Variants in SLF2 observed in about 807,000 individuals in gnomAD.
SLF2 encodes the protein SMC5/6 complex localization factor 2, also known as SMC5-SMC6 complex localization factor protein 2.
In SLF2, 68 loss-of-function variants were observed where a neutral mutation model predicts 124.3. The observed-to-expected ratio is 0.55, with a 90% CI of 0.45 to 0.67. The LOEUF (loss-of-function observed/expected upper bound fraction) is 0.67. SLF2 is among the 30% of genes least tolerant of loss of function. SLF2 has a pLI of 0.00. For missense variants in SLF2, 1,246 were observed against 1,373.7 expected (o/e 0.91, Z 1.47); for synonymous variants, 480 against 478.8 (o/e 1.00, Z -0.03).
chr10:100,914,296 T>TTG (rs201890158), intron 1 of SLF2, among the ~76,000 whole-genome samples: 11 of 129,994 alleles, frequency 8.5e-5, no homozygotes, highest in East Asian at 3.9e-4. Flanking sequence ...ACTGTTATAA[T>TTG]TGTGTGTGTG....
chr10:100,913,391 C>G, intron 1 of SLF2, 141 bp downstream of exon 1: 2 of 1,362,158 alleles, frequency 1.5e-6, no homozygotes, highest in Non-Finnish European at 1.9e-6. Context: ...AAATCCCCGC[C>G]CCGCCTCCGC....
intron 15 of SLF2, 77 bp from the exon 16 acceptor site, chr10:100,949,999 A>C (rs1850179033): frequency 7.3e-7 from 1 of 1,366,760 alleles, no homozygotes; most frequent in Non-Finnish European, 9.8e-7. Context: ...GAAAGAGTAC[A>C]CACTGGAAAA....
chr10:100,915,430 C>G (rs1849395940), intron 1 of SLF2, among the ~76,000 whole-genome samples: 1 of 152,170 alleles, frequency 6.6e-6, no homozygotes, highest in African/African-American at 2.4e-5. Context: ...TTCCCTAGAT[C>G]AGCCAAATCA....
Position 100,960,998 on chromosome 10 carries a change from C to CTTTTTTTTTTTTTTT in SLF2, c.3487-864_3487-850dup, listed in dbSNP as rs59983480. ...GTGAGAACTGAGATATTCTGTACTT[C>CTTTTTTTTTTTTTTT]TTTTTTTTTTTTTTTTTTTTTTTTT... On this transcript the variant is annotated intron_variant, in intron 19 of 19. Coordinates refer to ENST00000238961, the MANE Select transcript of SLF2 (RefSeq NM_018121.4). 6.5e-5 allele frequency among the ~76,000 whole-genome samples: 4 copies of CTTTTTTTTTTTTTTT among 61,404 alleles called. 1 individual carries two copies. The highest frequency in any genetic ancestry group is 8.5e-5 in the Non-Finnish European group (3 of 35,360). The allele number at this position is 61,404 out of a possible 152,430, so 40.3% of individuals were successfully genotyped here. A position where few individuals can be genotyped will look rare whatever the true frequency, so the allele number is the denominator to read the frequency against.
intron 4 of SLF2, among the ~76,000 whole-genome samples, chr10:100,922,279 T>C (rs1372746642): frequency 6.6e-6 from 1 of 152,198 alleles, no homozygotes; most frequent in African/African-American, 2.4e-5. Flanking sequence ...TTTCACCATG[T>C]TGCCTAGGCT....
chr10:100,916,577 C>A lies in SLF2; in HGVS notation c.192C>A (p.His64Gln). 7.2e-7 allele frequency: 1 copy of A among 1,381,062 alleles called. No individual in the cohort carries two copies. Among genetic ancestry groups the A allele is most frequent in the South Asian group, 2.3e-5 (1 of 44,442 alleles). 85.6% of individuals were successfully genotyped at this position (1,381,062 alleles called of 1,614,324 possible). ...TTTTAATTGGCTATTTAGACAGACA[C>A]ATGTTGGATTCACCACAAAAATCAA... is the stretch of plus-strand genomic sequence containing the variant. ...FFKPASKQDRHMLDSPQKSNI... is the reference protein window; with the variant it reads ...FFKPASKQDRQMLDSPQKSNI... Residue 64 changes from histidine to glutamine, a missense_variant, in exon 3 of 20, where the codon CAC (histidine) becomes CAA (glutamine). By Grantham distance (24) the His-to-Gln change is conservative (BLOSUM62 0). This residue lies in a region of SLF2 where 698 missense variants were observed against 708.9 expected (regional missense o/e 0.98). Transcript: ENST00000238961.
intron 4 of SLF2, among the ~76,000 whole-genome samples, chr10:100,922,484 C>T (rs1414858002): frequency 6.6e-6 from 1 of 152,202 alleles, no homozygotes; most frequent in Non-Finnish European, 1.5e-5. Flanking sequence ...GTATTACAGG[C>T]ATGAGCCACT....
Position 100,945,374 on chromosome 10 carries a change from T to C in SLF2, c.2802T>C (p.Asp934=). ...CTSIHPEGYQ[D]REIMLLILML... ...CTATACATCCAGAAGGTTACCAGGA[T>C]CGTGAAATAATGTTGCTGATTTTAA... The change falls in exon 13 of 20, where the codon GAT becomes GAC. Residue 934 remains aspartate, a synonymous_variant. Transcript: ENST00000238961. 6.2e-7 allele frequency: 1 copy of C among 1,601,670 alleles called. No individual in the cohort carries two copies.
intron 3 of SLF2, 31 bp from the exon 4 acceptor site, chr10:100,918,353 C>A: frequency 6.9e-7 from 1 of 1,452,626 alleles, no homozygotes; most frequent in Non-Finnish European, 9.5e-7. Context: ...GTCCCCAACA[C>A]TTAATTAATT....
chr10:100,914,210 C>A (rs777679272), intron 1 of SLF2, among the ~76,000 whole-genome samples: 3 of 152,192 alleles, frequency 2.0e-5, no homozygotes, highest in Admixed American at 6.5e-5. Context: ...TCCAAGTTAT[C>A]CCCTTCCTAA....
At chr10:100,949,916 C>T (rs1850178224) in intron 15 of SLF2, among the ~76,000 whole-genome samples, 160 bp from the exon 16 acceptor site, 1 of 151,966 alleles carries the variant, frequency 6.6e-6, no homozygotes, top group African/African-American at 2.4e-5. Context: ...CCTTTTTAAG[C>T]AATTCAGGGT....
chr10:100,917,403 C>G (rs981580437), intron 3 of SLF2, 103 bp downstream of exon 3: 11 of 1,297,480 alleles, frequency 8.5e-6, no homozygotes, highest in Non-Finnish European at 1.0e-5. Context: ...TGACGTCTTT[C>G]CTGAAGGAAA....
rs78155821 is a variant in SLF2, at chr10:100,928,760, A to G, written c.2043-557A>G. ...TATAAAATGCGTTATAAACTACTAC[A>G]TGGAGTTGTTGTAAGGGTTAAAAGA... On this transcript the variant is annotated intron_variant, in intron 6 of 19. Transcript: ENST00000238961. Among the ~76,000 whole-genome samples, 987 of 152,270 alleles carry G rather than the reference A, an allele frequency of 6.5e-3. 15 individuals are homozygous for G. Among genetic ancestry groups the G allele is most frequent in the African/African-American group, 0.023 (950 of 41,550 alleles).
At chr10:100,921,362 G>A (rs748553825) in intron 4 of SLF2, among the ~76,000 whole-genome samples, 8 of 152,264 alleles carry the variant, frequency 5.3e-5, no homozygotes, top group African/African-American at 9.6e-5. Flanking sequence ...GATTACGGGC[G>A]TGAGCCACCA....
intron 19 of SLF2, 26 bp from the exon 20 acceptor site, chr10:100,961,851 C>T: frequency 6.2e-7 from 1 of 1,603,606 alleles, no homozygotes; most frequent in Non-Finnish European, 8.5e-7. Flanking sequence ...TTGCTTTACC[C>T]TCTTTTTTCT....
chr10:100,925,818 T>A, intron 5 of SLF2, 131 bp from the exon 6 acceptor site: 1 of 884,528 alleles, frequency 1.1e-6, no homozygotes, highest in Non-Finnish European at 1.7e-6. Context: ...AAAATTATCC[T>A]TTAAGAAAGG....
Position 100,964,374 on chromosome 10 carries a change from T to G in SLF2, c.*2462T>G, listed in dbSNP as rs1360883289. On this transcript the variant is annotated 3_prime_UTR_variant, in exon 20 of 20. Coordinates refer to ENST00000238961, the MANE Select transcript of SLF2 (RefSeq NM_018121.4). ...GCACATTAAGGTACTTGTAAGTGTT[T>G]ATGCTTTTGTGTGTAACTGTTTGCC... The G allele has an allele frequency of 1.3e-5, 2 of 152,694 alleles. No individual in the cohort carries two copies. The highest frequency in any genetic ancestry group is 2.9e-5 in the Non-Finnish European group (2 of 68,046). The allele number at this position is 152,694 out of a possible 1,614,324, so 9.5% of individuals were successfully genotyped here.
Position 100,950,145 on chromosome 10 carries a change from A to G in SLF2, c.3190A>G (p.Lys1064Glu). ...SDLLKKMVLK[K>E]KAEQPDGIID... ...TTTGTTAAAGAAAATGGTCTTGAAG[A>G]AAAAGGCTGAACAACCAGATGGCAT... The change falls in exon 16 of 20, where the codon AAA becomes GAA. Residue 1064 changes from lysine to glutamate, a missense_variant. Coordinates refer to ENST00000238961, the MANE Select transcript of SLF2 (RefSeq NM_018121.4). The G allele has an allele frequency of 6.2e-7, 1 of 1,613,500 alleles. No individual in the cohort carries two copies. Among genetic ancestry groups the G allele is most frequent in the South Asian group, 1.1e-5 (1 of 90,952 alleles).
Position 100,913,033 on chromosome 10 carries a change from A to T in SLF2, c.-78A>T. 6.6e-7 allele frequency: 1 copy of T among 1,508,318 alleles called. No individual in the cohort carries two copies. The highest frequency in any genetic ancestry group is 1.2e-5 in the South Asian group (1 of 83,774). The allele number at this position is 1,508,318 out of a possible 1,614,324, so 93.4% of individuals were successfully genotyped here. ...CACCTCTGCTCCGACAGCCTCCCGGAGTCCCAGCAGCAAGACGGCAACCAC... is the reference window on the plus strand; with the variant it reads ...CACCTCTGCTCCGACAGCCTCCCGGTGTCCCAGCAGCAAGACGGCAACCAC... On this transcript the variant is annotated 5_prime_UTR_variant, in exon 1 of 20. Transcript: ENST00000238961.
Sources: allele counts gnomAD v4.1 joint callset (sites outside exome capture counted in the v4.1 genomes callset), GRCh38; gene constraint gnomAD v4.1.1; regional missense constraint gnomAD v4.1.1; transcripts MANE v1.5; gene names NCBI Gene and HGNC (gene_info 2026-07-23, HGNC 2026-07-21).